The following CROCC2 variants were observed in gnomAD, a reference collection of about 807,000 sequenced individuals.
The protein encoded by CROCC2 is ciliary rootlet coiled-coil, rootletin family member 2.
CROCC2 carries 163 observed loss-of-function variants against 177.6 expected under a neutral mutation model. The ratio of observed to expected loss-of-function variants is 0.92; its 90% CI spans 0.81 to 1.05. The LOEUF is 1.05. Among genes scored for constraint, CROCC2 ranks in the 50% least tolerant of loss-of-function variants. The probability of loss-of-function intolerance (pLI) is 0.00; values close to 1 mark genes in which losing one functional copy is unlikely to be tolerated. For missense variants in CROCC2, 1,929 were observed against 1,797.8 expected, an observed-to-expected ratio of 1.07 and a Z score of -1.32; for synonymous variants, 904 against 787.3, an observed-to-expected ratio of 1.15 and a Z score of -2.48.
At chr2:240,969,899 T>C (rs1453409798) in intron 27 of CROCC2, among the ~76,000 whole-genome samples, 1 of 152,082 alleles carries the variant, frequency 6.6e-6, no homozygotes, top group African/African-American at 2.4e-5. Flanking sequence ...CCTAATTTTT[T>C]TGTATTTTTA....
At chr2:240,971,445 A>T (rs1001437428) in intron 27 of CROCC2, among the ~76,000 whole-genome samples, 1 of 152,100 alleles carries the variant, frequency 6.6e-6, no homozygotes, top group Non-Finnish European at 1.5e-5. Flanking sequence ...CCTGGCTTTC[A>T]TTCGATTCCA....
At chr2:240,914,526 A>AGC (rs1405168002) in intron 1 of CROCC2, among the ~76,000 whole-genome samples, 16 of 152,210 alleles carry the variant, frequency 1.1e-4, no homozygotes, top group African/African-American at 3.9e-4. Flanking sequence ...AGCCCCCTGC[A>AGC]GCGCTCCTCG....
At position 240,933,279 on chromosome 2, in the gene CROCC2, G is replaced by T. The variant is rs773347584; in HGVS notation, c.1400G>T (p.Gly467Val). The change falls in exon 10 of 32, where the codon GGC becomes GTC. Residue 467 changes from glycine (G) to valine (V), a missense_variant. Around this residue, in one of 3 missense-constraint regions of CROCC2, gnomAD observed 1,397 missense variants for 1,239.9 expected, o/e 1.13. Transcript: ENST00000690015. ...GCACGGGAACGAGAGGCTCTTCGGGGCCAGCTGGAGGCCCAGAGGCTCGAG... is the reference window on the plus strand; with the variant it reads ...GCACGGGAACGAGAGGCTCTTCGGGTCCAGCTGGAGGCCCAGAGGCTCGAG... ...EQAREREALR[G>V]QLEAQRLEVQ... The T allele has an allele frequency of 6.5e-7, 1 of 1,546,544 alleles. No homozygotes were observed.
chr2:240,963,208 G>A, intron 20 of CROCC2: 1 of 286,630 alleles, frequency 3.5e-6, no homozygotes, highest in Admixed American at 4.6e-5. Context: ...AAGGGCCCCA[G>A]GCAGTGACAG....
chr2:240,919,054 TGG>T (rs1559589575), intron 2 of CROCC2, among the ~76,000 whole-genome samples, 178 bp downstream of exon 2: 17 of 34,154 alleles, frequency 5.0e-4, no homozygotes, highest in Non-Finnish European at 1.1e-3. Flanking sequence ...GGTGATGGCG[TGG>T]GGGACGGTCC....
At chr2:240,935,135 G>A in intron 13 of CROCC2, 73 bp downstream of exon 13, 2 of 1,323,168 alleles carry the variant, frequency 1.5e-6, no homozygotes, top group Non-Finnish European at 1.9e-6. Context: ...CCCAGCCCTA[G>A]GCCTTCTTTC....
chr2:240,943,112 A>G (rs2059503491), intron 14 of CROCC2, among the ~76,000 whole-genome samples: 1 of 151,988 alleles, frequency 6.6e-6, no homozygotes, highest in East Asian at 1.9e-4. Context: ...GGCTCAAGTG[A>G]TCCTCCCACA....
Position 240,949,032 on chromosome 2 carries a change from C to T in CROCC2, c.2417C>T (p.Thr806Ile), listed in dbSNP as rs1472163628. 12 of 1,549,942 alleles carry T rather than the reference C, an allele frequency of 7.7e-6. No individual in the cohort carries two copies. Among genetic ancestry groups the T allele is most frequent in the Non-Finnish European group, 9.6e-6 (11 of 1,146,870 alleles). ...SSLLEAQQLA[T>I]KLQEQLEEEA... ...CTCCTTGAGGCCCAACAGCTGGCCA[C>T]AAAGCTGCAGGAGCAGCTGGAGGAG... is the stretch of plus-strand genomic sequence containing the variant. The change falls in exon 16 of 32, where the codon ACA (threonine) becomes ATA (isoleucine). Residue 806 changes from threonine to isoleucine, a missense_variant. Physicochemically the swap from Thr to Ile is moderately conservative, Grantham distance 89 (BLOSUM62 -1). Transcript: ENST00000690015. The surrounding 1 kb of genome is among the most constrained non-coding windows in gnomAD (Gnocchi z 4.5).
At chr2:240,951,167 C>T (rs1229584303) in intron 18 of CROCC2, among the ~76,000 whole-genome samples, 1 of 152,004 alleles carries the variant, frequency 6.6e-6, no homozygotes, top group African/African-American at 2.4e-5. Context: ...ATCCACACAC[C>T]TACCCATTCA....
chr2:240,910,902 G>A (rs948133516), intron 1 of CROCC2, among the ~76,000 whole-genome samples: 9 of 152,076 alleles, frequency 5.9e-5, no homozygotes, highest in Non-Finnish European at 1.0e-4. Context: ...AGGCTAAGGC[G>A]GGCGGATCGC....
chr2:240,918,680 C>A lies in CROCC2; in HGVS notation c.79-46C>A. On this transcript the variant is annotated intron_variant, in intron 1 of 31. Transcript: ENST00000690015. This position sits in a 1 kb window ranked among gnomAD's most constrained non-coding sequence, Gnocchi z 6.3. ...TGGGATCGTAGAGGGTGCCTGGCAGCTGTTGGGGGCTGCCATCTCCAGGTA... is the reference window on the plus strand; with the variant it reads ...TGGGATCGTAGAGGGTGCCTGGCAGATGTTGGGGGCTGCCATCTCCAGGTA... 1.9e-6 allele frequency: 1 copy of A among 539,510 alleles called. No individual in the cohort carries two copies. Among genetic ancestry groups the A allele is most frequent in the Non-Finnish European group, 3.3e-6 (1 of 299,624 alleles). 33.4% of individuals were successfully genotyped at this position (539,510 alleles called of 1,614,324 possible). A position where few individuals can be genotyped will look rare whatever the true frequency, so the allele number is the denominator to read the frequency against.
At position 240,949,897 on chromosome 2, in the gene CROCC2, T is replaced by C. The variant is rs1369027706; in HGVS notation, c.2652+195T>C. On this transcript the variant is annotated intron_variant, in intron 17 of 31. Coordinates refer to ENST00000690015, the MANE Select transcript of CROCC2 (RefSeq NM_001351305.2). This position sits in a 1 kb window ranked among gnomAD's most constrained non-coding sequence, Gnocchi z 4.5. ...GGCCTTCCCCGTGGAGCCCTCATAT[T>C]GGGCTTGGGTTTGTATTTGGGGCGG... Among the ~76,000 whole-genome samples, 1 of 152,158 alleles carries C rather than the reference T, an allele frequency of 6.6e-6. No individual in the cohort carries two copies. The highest frequency in any genetic ancestry group is 1.5e-5 in the Non-Finnish European group (1 of 68,016).
Position 240,971,306 on chromosome 2 carries a change from C to T in CROCC2, c.4401+3044C>T, listed in dbSNP as rs532304158. 5.9e-5 allele frequency among the ~76,000 whole-genome samples: 9 copies of T among 152,306 alleles called. No individual in the cohort carries two copies. In the South Asian group the frequency reaches 1.5e-3, roughly 25 times the overall value. On this transcript the variant is annotated intron_variant, in intron 27 of 31. Coordinates refer to ENST00000690015, the MANE Select transcript of CROCC2 (RefSeq NM_001351305.2). ...ACGTAATCACAGGATAACGTCAGGG[C>T]CAGAGCTCACAGGGCCCTCTGAGGG...
In CROCC2 at chr2:240,934,412, A is replaced by G. The variant is rs985092572; in HGVS notation, c.1728A>G (p.Thr576=). The change falls in exon 12 of 32, where the codon ACA becomes ACG. Residue 576 remains threonine (T), a synonymous_variant. Coordinates refer to ENST00000690015, the MANE Select transcript of CROCC2 (RefSeq NM_001351305.2). ...ELASVREALS[T]AQLQRDVVES... ...CATCGGTCCGGGAGGCACTGAGCAC[A>G]GCACAGCTGCAGCGGGATGTCGTGG... The G allele has an allele frequency of 1.3e-6, 2 of 1,548,726 alleles. No individual in the cohort carries two copies. The highest frequency in any genetic ancestry group is 1.4e-5 in the African/African-American group (1 of 73,136).
At chr2:240,950,311 C>T (rs1302280062) in intron 17 of CROCC2, 23 bp from the exon 18 acceptor site, 1 of 1,545,772 alleles carries the variant, frequency 6.5e-7, no homozygotes, top group African/African-American at 1.4e-5. Flanking sequence ...GACCTCACAG[C>T]CCATCCCTTT....
At position 240,935,350 on chromosome 2, in the gene CROCC2, G is replaced by T; in HGVS notation, c.1939-8G>T. The T allele has an allele frequency of 1.5e-6, 2 of 1,356,468 alleles. No individual in the cohort carries two copies. The highest frequency in any genetic ancestry group is 1.9e-6 in the Non-Finnish European group (2 of 1,048,398). 84.0% of individuals were successfully genotyped at this position (1,356,468 alleles called of 1,614,324 possible). On this transcript the variant is annotated splice_polypyrimidine_tract_variant and splice_region_variant and intron_variant, in intron 13 of 31. Transcript: ENST00000690015. ...AGTGGATGCAGAGCCCCCGACACCT[G>T]GTGGCAGCTGGAGCAGGAGCGGGAC...
chr2:240,983,739 G>A, intron 28 of CROCC2: 1 of 714,464 alleles, frequency 1.4e-6, no homozygotes, highest in Non-Finnish European at 2.0e-6. Context: ...GGTGGCCACA[G>A]CCCTGCCAGT....
chr2:240,931,066 G>A lies in CROCC2; in HGVS notation c.885G>A (p.Lys295=), dbSNP rs1317391419. ...CCCTGGGGCAGCAGCTTCGGGACAA[G>A]GCTGGGGAGATGCTGCAGCTGCAGG... The part of the protein sequence containing the change: ...ASTLGQQLRD[K]AGEMLQLQGR... The change falls in exon 7 of 32, where the codon AAG becomes AAA. Residue 295 remains lysine (K), a synonymous_variant. Transcript: ENST00000690015. The A allele has an allele frequency of 1.4e-6, 1 of 716,522 alleles. No individual in the cohort carries two copies. The highest frequency in any genetic ancestry group is 2.7e-5 in the East Asian group (1 of 37,278). 44.4% of individuals were successfully genotyped at this position (716,522 alleles called of 1,614,324 possible).
intron 1 of CROCC2, among the ~76,000 whole-genome samples, chr2:240,913,185 C>T (rs1278487234): frequency 1.3e-5 from 2 of 152,162 alleles, no homozygotes; most frequent in Non-Finnish European, 1.5e-5. Context: ...GAGCCAGGTT[C>T]CTGCTCTGCC....
Sources: gnomAD v4.1 joint callset for allele counts (sites outside exome capture counted in the v4.1 genomes callset) on GRCh38, gnomAD v4.1.1 for gene constraint, gnomAD v4.1.1 regional missense constraint, Gnocchi (gnomAD v3.1) non-coding constraint, MANE v1.5 for transcripts, NCBI Gene and HGNC (gene_info 2026-07-23, HGNC 2026-07-21) for gene names.